The following RPH3A variants were observed in gnomAD, a reference collection of about 807,000 sequenced individuals.
The protein encoded by RPH3A is rabphilin-3A.
In RPH3A, 48 loss-of-function variants were observed where a neutral mutation model predicts 102.2. The observed-to-expected ratio is 0.47, with a 90% CI of 0.37 to 0.60. The LOEUF (loss-of-function observed/expected upper bound fraction) is 0.60, where lower values mean the gene tolerates loss of function less well. Among genes scored for constraint, RPH3A ranks in the 20% least tolerant of loss-of-function variants. The pLI, the probability that RPH3A is intolerant of heterozygous loss-of-function variation, is 0.00. For synonymous variants in RPH3A, 310 were observed against 324.3 expected (o/e 0.96, Z 0.47); for missense variants, 781 against 910.1 (o/e 0.86, Z 1.83).
chr12:112,658,440 G>T (rs78448885), intron 1 of RPH3A, among the ~76,000 whole-genome samples: 3,794 of 152,170 alleles, frequency 0.025, 142 homozygotes, highest in African/African-American at 0.086. Context: ...GCCTCCCGAA[G>T]TGTTGGGATT....
At chr12:112,793,911 G>A (rs2041176216) in intron 2 of RPH3A, among the ~76,000 whole-genome samples, 1 of 152,170 alleles carries the variant, frequency 6.6e-6, no homozygotes, top group Non-Finnish European at 1.5e-5. Context: ...CCTCAGGGCA[G>A]CATCCCCATT....
At chr12:112,619,639 C>T (rs1025266046) in intron 1 of RPH3A, among the ~76,000 whole-genome samples, 1 of 152,086 alleles carries the variant, frequency 6.6e-6, no homozygotes, top group Non-Finnish European at 1.5e-5. Context: ...AGCAACTGCA[C>T]CATTTGATGT....
At chr12:112,666,453 T>A (rs1161702313) in intron 1 of RPH3A, among the ~76,000 whole-genome samples, 1 of 152,086 alleles carries the variant, frequency 6.6e-6, no homozygotes, top group Non-Finnish European at 1.5e-5. Context: ...TTACAGCTGC[T>A]GTGGGCTTCA....
At chr12:112,766,927 G>A (rs1248520487) in intron 1 of RPH3A, among the ~76,000 whole-genome samples, 3 of 152,128 alleles carry the variant, frequency 2.0e-5, no homozygotes, top group African/African-American at 7.2e-5. Flanking sequence ...AACATGTGTG[G>A]CTGGGGCCCC....
At chr12:112,824,701 C>T (rs553006790) in intron 2 of RPH3A, among the ~76,000 whole-genome samples, 119 of 152,274 alleles carry the variant, frequency 7.8e-4, no homozygotes, top group African/African-American at 2.7e-3. Context: ...GCTGAAATAA[C>T]CAGGGCTGTC....
chr12:112,715,540 G>A (rs1025698226), intron 1 of RPH3A, among the ~76,000 whole-genome samples: 3 of 152,154 alleles, frequency 2.0e-5, no homozygotes, highest in Non-Finnish European at 4.4e-5. Flanking sequence ...CCAAATAATA[G>A]TTGAATCAAT....
At chr12:112,776,873 CAAAAAAAAAAAAAAAAAAAAAAAA>C (rs548377186) in intron 1 of RPH3A, among the ~76,000 whole-genome samples, 7 of 73,910 alleles carry the variant, frequency 9.5e-5, no homozygotes, top group East Asian at 4.4e-4. Context: ...GACTCCATCT[CAAAAAAAAAAAAAAAAAAAAAAAA>C]AAAAAAAAAA....
upstream of RPH3A, among the ~76,000 whole-genome samples, chr12:112,788,607 T>C (rs1366158621): frequency 1.3e-5 from 2 of 152,226 alleles, no homozygotes; most frequent in Admixed American, 6.5e-5. Context: ...GGATAATCAC[T>C]GTAAAGTGCT....
chr12:112,827,127 T>G (rs12811205), intron 2 of RPH3A, among the ~76,000 whole-genome samples: 25,959 of 152,038 alleles, frequency 0.17, 2,341 homozygotes, highest in African/African-American at 0.23. Context: ...TTCCGTGGCT[T>G]TTAGTATTCT....
intron 19 of RPH3A, 196 bp downstream of exon 19, chr12:112,891,199 T>C: frequency 1.6e-6 from 1 of 612,536 alleles, no homozygotes; most frequent in South Asian, 2.0e-5. Context: ...GTCAAACTGG[T>C]GTGTCACTTG....
intron 1 of RPH3A, among the ~76,000 whole-genome samples, chr12:112,678,641 A>G (rs557653515): frequency 3.3e-5 from 5 of 152,220 alleles, no homozygotes; most frequent in African/African-American, 7.2e-5. Context: ...AGTTGTTTTC[A>G]CCTGTTTTGC....
At chr12:112,595,968 A>G (rs2039513566) in intron 1 of RPH3A, among the ~76,000 whole-genome samples, 7 of 152,136 alleles carry the variant, frequency 4.6e-5, no homozygotes, top group Admixed American at 4.6e-4. Flanking sequence ...CTACATAGAC[A>G]TGTGTGAAGG....
intron 1 of RPH3A, among the ~76,000 whole-genome samples, chr12:112,748,015 A>T (rs1222712637): frequency 2.6e-5 from 4 of 152,154 alleles, no homozygotes; most frequent in Admixed American, 2.6e-4. Context: ...TCACATTCTG[A>T]TGGAGACAGG....
chr12:112,721,426 A>T (rs932746077), intron 1 of RPH3A, among the ~76,000 whole-genome samples: 3 of 152,214 alleles, frequency 2.0e-5, no homozygotes, highest in African/African-American at 7.2e-5. Flanking sequence ...AACAGCATTT[A>T]CTCAGGATAG....
intron 1 of RPH3A, among the ~76,000 whole-genome samples, chr12:112,614,717 A>AT (rs1335670242): frequency 1.4e-5 from 2 of 146,080 alleles, no homozygotes; most frequent in African/African-American, 5.0e-5. Context: ...AAAAAAAAAA[A>AT]GGAAGAAAAA....
intron 1 of RPH3A, chr12:112,695,139 AT>A (rs756238527): frequency 2.9e-5 from 5 of 170,416 alleles, no homozygotes; most frequent in Non-Finnish European, 5.9e-5. Context: ...ACAATTATTC[AT>A]TGTTTACTTG....
intron 1 of RPH3A, among the ~76,000 whole-genome samples, chr12:112,774,090 G>T (rs2040947603): frequency 8.3e-6 from 1 of 121,172 alleles, no homozygotes; most frequent in Non-Finnish European, 1.7e-5. Context: ...AAAAGAGAAA[G>T]GTAGAAGTAA....
intron 5 of RPH3A, among the ~76,000 whole-genome samples, chr12:112,848,941 G>A (rs760507740): frequency 2.0e-5 from 3 of 152,136 alleles, no homozygotes; most frequent in Non-Finnish European, 2.9e-5. Context: ...CACTGGAGTG[G>A]TCTTCCTAGA....
In RPH3A at chr12:112,841,173, T is replaced by TAAAAAAAAAAAAAAAAAAAAAA. The variant is rs11447068; in HGVS notation, c.83+4692_83+4693insAAAAAAAAAAAAAAAAAAAAAA. On this transcript the variant is annotated intron_variant, in intron 4 of 21. Transcript: ENST00000389385. ...GGCAACATAACAAGACCTTGTTTCTTAAAAAAAAAAAAAAAAAAAAAGCCT... is the reference window on the plus strand; with the variant it reads ...GGCAACATAACAAGACCTTGTTTCTTAAAAAAAAAAAAAAAAAAAAAAAAAAAAAAAAAAAAAAAAAAAGCCT... 2.3e-3 allele frequency among the ~76,000 whole-genome samples: 78 copies of TAAAAAAAAAAAAAAAAAAAAAA among 33,290 alleles called. 4 individuals are homozygous for TAAAAAAAAAAAAAAAAAAAAAA. The highest frequency in any genetic ancestry group is 2.6e-3 in the Non-Finnish European group (51 of 19,338). 21.8% of individuals were successfully genotyped at this position (33,290 alleles called of 152,430 possible).
Sources: gnomAD v4.1 joint callset for allele counts (sites outside exome capture counted in the v4.1 genomes callset) on GRCh38, gnomAD v4.1.1 for gene constraint, MANE v1.5 for transcripts, NCBI Gene and HGNC (gene_info 2026-07-23, HGNC 2026-07-21) for gene names.